The following IFFO2 variants were observed in gnomAD, a reference collection of about 807,000 sequenced individuals.
IFFO2 encodes intermediate filament family orphan 2.
IFFO2 carries 19 observed loss-of-function variants against 53.5 expected under a neutral mutation model. The ratio of observed to expected loss-of-function variants is 0.36; its 90% CI spans 0.25 to 0.52. IFFO2 has a LOEUF of 0.52. Ranked by LOEUF, IFFO2 falls within the 20% of genes least tolerant of loss-of-function variation. The pLI is 0.94. For synonymous variants in IFFO2, 303 were observed against 313.6 expected, an observed-to-expected ratio of 0.97 and a Z score of 0.36; for missense variants, 570 against 727.4, an observed-to-expected ratio of 0.78 and a Z score of 2.49.
rs1936136845 is a variant in IFFO2 at position 18,916,678 on chromosome 1, G to T, written c.1103+225C>A. On this transcript the variant is annotated intron_variant, in intron 5 of 8. Transcript: ENST00000455833. The surrounding 1 kb of genome is among the most constrained non-coding windows in gnomAD (Gnocchi z 4.3). ...ACTACTTGGGAGGCTGAGATGAAAG[G>T]ATCCCTAAACCCAAGAGGTTGAGGC... 6.6e-6 allele frequency among the ~76,000 whole-genome samples: 1 copy of T among 152,052 alleles called. No homozygotes were observed. Among genetic ancestry groups the T allele is most frequent in the East Asian group, 1.9e-4 (1 of 5,176 alleles).
chr1:18,927,047 T>C (rs1367017239), intron 1 of IFFO2, among the ~76,000 whole-genome samples: 2 of 152,124 alleles, frequency 1.3e-5, no homozygotes, highest in African/African-American at 4.8e-5. Flanking sequence ...AGCAAGTCAG[T>C]TACCCTCTCT....
Position 18,918,908 on chromosome 1 carries a change from C to T in IFFO2, c.823-406G>A, listed in dbSNP as rs915442715. Among the ~76,000 whole-genome samples, 48 of 152,246 alleles carry T rather than the reference C, an allele frequency of 3.2e-4. No individual in the cohort carries two copies. Among genetic ancestry groups the T allele is most frequent in the Admixed American group, 8.5e-4 (13 of 15,300 alleles). On this transcript the variant is annotated intron_variant, in intron 3 of 8. Transcript: ENST00000455833. This position sits in a 1 kb window ranked among gnomAD's most constrained non-coding sequence, Gnocchi z 5.2. ...CTCTCTCCTGGATGCCTCCCAAGGCCGGCAGTGGGAGTCACTGAGGACCAC... is the reference window on the plus strand; with the variant it reads ...CTCTCTCCTGGATGCCTCCCAAGGCTGGCAGTGGGAGTCACTGAGGACCAC...
intron 1 of IFFO2, among the ~76,000 whole-genome samples, chr1:18,925,201 T>C (rs1936265971): frequency 6.6e-6 from 1 of 152,180 alleles, no homozygotes; most frequent in Non-Finnish European, 1.5e-5. Context: ...ATCATCCCCA[T>C]GTTGCAGATG....
chr1:18,945,313 C>T (rs1308349218), intron 1 of IFFO2, among the ~76,000 whole-genome samples: 1 of 152,104 alleles, frequency 6.6e-6, no homozygotes, highest in African/African-American at 2.4e-5. Flanking sequence ...CTACCACCCC[C>T]CAAGATGGCC....
chr1:18,914,110 C>T (rs1172659392), intron 5 of IFFO2, among the ~76,000 whole-genome samples: 4 of 152,246 alleles, frequency 2.6e-5, no homozygotes, highest in Non-Finnish European at 2.9e-5. Flanking sequence ...GGATTACAGG[C>T]GTGAGCCACC....
chr1:18,910,555 T>A, intron 7 of IFFO2, 83 bp from the exon 8 acceptor site: 1 of 1,499,426 alleles, frequency 6.7e-7, no homozygotes. Flanking sequence ...CCTGGATTCC[T>A]CAGGGATGGT....
intron 1 of IFFO2, among the ~76,000 whole-genome samples, chr1:18,954,133 C>G (rs533343636): frequency 6.6e-6 from 1 of 152,210 alleles, no homozygotes; most frequent in Non-Finnish European, 1.5e-5. Context: ...GAGAGAAGCC[C>G]GTCTCCCAGT....
At chr1:18,955,469 C>G (rs1936711555) in intron 1 of IFFO2, among the ~76,000 whole-genome samples, 199 bp downstream of exon 1, 2 of 152,218 alleles carry the variant, frequency 1.3e-5, no homozygotes, top group African/African-American at 2.4e-5. Flanking sequence ...GTGGCCCCCA[C>G]GGTAGCCAGC....
rs924729901 is a variant in IFFO2 at position 18,936,943 on chromosome 1, C to T, written c.666-15822G>A. ...ATGAGGATGTGCAAACACAAACTGG[C>T]TGCAGGTGGGGCAAAAAAAAAAAAA... On this transcript the variant is annotated intron_variant, in intron 1 of 8. Transcript: ENST00000455833. The surrounding 1 kb of genome is among the most constrained non-coding windows in gnomAD (Gnocchi z 4.5). Among the ~76,000 whole-genome samples, 6 of 117,320 alleles carry T rather than the reference C, an allele frequency of 5.1e-5. No individual in the cohort carries two copies. The Admixed American group carries it at 5.1e-4, about 10-fold the overall frequency. 77.0% of individuals were successfully genotyped at this position (117,320 alleles called of 152,430 possible).
At chr1:18,925,892 GATTGGATGGA>G (rs1936281000) in intron 1 of IFFO2, among the ~76,000 whole-genome samples, 3 of 25,828 alleles carry the variant, frequency 1.2e-4, no homozygotes, top group East Asian at 1.2e-3. Context: ...TGGATGGATG[GATTGGATGGA>G]TTGGTTGGAT....
At position 18,928,055 on chromosome 1, in the gene IFFO2, T is replaced by G. The variant is rs574300565; in HGVS notation, c.666-6934A>C. On this transcript the variant is annotated intron_variant, in intron 1 of 8. Coordinates refer to ENST00000455833, the MANE Select transcript of IFFO2 (RefSeq NM_001136265.2). This position sits in a 1 kb window ranked among gnomAD's most constrained non-coding sequence, Gnocchi z 4.9. ...GCTCACCTCCTGGGCAGCTCAGCAC[T>G]GATGCACGTGTGGATGCCTTGCCTC... Among the ~76,000 whole-genome samples the G allele has an allele frequency of 1.3e-5, 2 of 152,352 alleles. No homozygotes were observed. Among genetic ancestry groups the G allele is most frequent in the South Asian group, 2.1e-4 (1 of 4,834 alleles).
In IFFO2 at chr1:18,906,526, T is replaced by G. The variant is rs553109524; in HGVS notation, c.*2035A>C. 26 of 152,342 alleles carry G rather than the reference T, an allele frequency of 1.7e-4. No individual in the cohort carries two copies. The highest frequency in any genetic ancestry group is 1.7e-3 in the Admixed American group (26 of 15,300). The allele number at this position is 152,342 out of a possible 1,614,324, so 9.4% of individuals were successfully genotyped here. On this transcript the variant is annotated 3_prime_UTR_variant, in exon 9 of 9. Transcript: ENST00000455833. ...AGACCCACGAGGGTGGATGTTTTCC[T>G]GCCCTCGAGGAAACGGAAAATCTTT...
rs1557640406 is a variant in IFFO2, at chr1:18,918,061, C to A, written c.963+301G>T. On this transcript the variant is annotated intron_variant, in intron 4 of 8. Coordinates refer to ENST00000455833, the MANE Select transcript of IFFO2 (RefSeq NM_001136265.2). This position sits in a 1 kb window ranked among gnomAD's most constrained non-coding sequence, Gnocchi z 5.2. ...AATGGGTACAGTGTGGGCTGGTGAA[C>A]CAAGCCCTGGAGGGGCAGGAGACTG... Among the ~76,000 whole-genome samples the A allele has an allele frequency of 6.6e-6, 1 of 152,208 alleles. No individual in the cohort carries two copies. Among genetic ancestry groups the A allele is most frequent in the African/African-American group, 2.4e-5 (1 of 41,456 alleles).
rs1269256774 is a variant in IFFO2 at position 18,955,677 on chromosome 1, T to C, written c.656A>G (p.Tyr219Cys). 2 of 1,584,434 alleles carry C rather than the reference T, an allele frequency of 1.3e-6. No homozygotes were observed. The highest frequency in any genetic ancestry group is 1.7e-6 in the Non-Finnish European group (2 of 1,169,042). Residue 219 changes from tyrosine (Y) to cysteine (C), a missense_variant, in exon 1 of 9, where the codon TAT becomes TGT. Physicochemically the swap from Tyr to Cys is radical, Grantham distance 194. Transcript: ENST00000455833. ...AGGGGCGGCCACTCACCTCCGCTTA[T>C]ACTCGTCGCGCTCGCGCTTCACCTT... ...LAKVKRERDE[Y>C]KRRWEEELAK... is the part of the protein sequence containing the mutation.
chr1:18,919,601 C>A lies in IFFO2; in HGVS notation c.822+77G>T, dbSNP rs971683086. On this transcript the variant is annotated intron_variant, in intron 3 of 8. Coordinates refer to ENST00000455833, the MANE Select transcript of IFFO2 (RefSeq NM_001136265.2). This position sits in a 1 kb window ranked among gnomAD's most constrained non-coding sequence, Gnocchi z 4.9. Reference sequence around the variant, plus strand: ...TCTAACTAGAAGCCGAGCCCCGGAGCCTCGGAGGGAATGAAGCATTTTGCA... The same window carrying A: ...TCTAACTAGAAGCCGAGCCCCGGAGACTCGGAGGGAATGAAGCATTTTGCA... 7 of 964,892 alleles carry A rather than the reference C, an allele frequency of 7.3e-6. No homozygotes were observed. The highest frequency in any genetic ancestry group is 1.1e-5 in the Non-Finnish European group (7 of 613,692). 59.8% of individuals were successfully genotyped at this position (964,892 alleles called of 1,614,324 possible).
At chr1:18,927,903 C>A (rs1936325084) in intron 1 of IFFO2, among the ~76,000 whole-genome samples, 1 of 152,230 alleles carries the variant, frequency 6.6e-6, no homozygotes, top group South Asian at 2.1e-4. Context: ...TTCCTCCTTG[C>A]ACACCATCCC....
chr1:18,955,955 G>T lies in IFFO2; in HGVS notation c.378C>A (p.Ser126Arg), dbSNP rs1410562124. The stretch of plus-strand genomic sequence containing the variant: ...CGTTGGCGCCGGCCGCCGCGCCACT[G>T]CTGAGGCCGTGCCCGCCGCCGGGCG... ...PPAPGGGHGL[S>R]SGAAAGANAN... is the part of the protein sequence containing the mutation. The change falls in exon 1 of 9, where the codon AGC becomes AGA. Residue 126 changes from serine to arginine, a missense_variant. Ser to Arg is a moderately radical substitution (Grantham distance 110, BLOSUM62 -1). Transcript: ENST00000455833. 12 of 1,313,076 alleles carry T rather than the reference G, an allele frequency of 9.1e-6. No individual in the cohort carries two copies. In the Middle Eastern group the frequency reaches 1.1e-3, roughly 118 times the overall value. The allele number at this position is 1,313,076 out of a possible 1,614,324, so 81.3% of individuals were successfully genotyped here.
chr1:18,929,466 G>A (rs1344432324), intron 1 of IFFO2, among the ~76,000 whole-genome samples: 1 of 152,190 alleles, frequency 6.6e-6, no homozygotes, highest in East Asian at 1.9e-4. Context: ...CACTGAAATC[G>A]AGTTGCTAAG....
At position 18,911,985 on chromosome 1, in the gene IFFO2, G is replaced by A. The variant is rs200305590; in HGVS notation, c.1202C>T (p.Pro401Leu). Residue 401 changes from proline (P) to leucine (L), a missense_variant, in exon 6 of 9, where the codon CCG (proline) becomes CTG (leucine). Pro to Leu is a moderately conservative substitution (Grantham distance 98). Transcript: ENST00000455833. ...LLWEDFTNCN[P>L]TIDLQGEQEE... ...TACCTCGCCCTGCAGGTCGATGGTCGGATTGCAGTTGGTGAAATCCTCCCA... is the reference window on the plus strand; with the variant it reads ...TACCTCGCCCTGCAGGTCGATGGTCAGATTGCAGTTGGTGAAATCCTCCCA... 5.8e-6 allele frequency: 9 copies of A among 1,551,598 alleles called. No individual in the cohort carries two copies. The highest frequency in any genetic ancestry group is 2.0e-5 in the Admixed American group (1 of 50,992).
Sources: gnomAD v4.1 joint callset for allele counts (sites outside exome capture counted in the v4.1 genomes callset) on GRCh38, gnomAD v4.1.1 for gene constraint, Gnocchi (gnomAD v3.1) non-coding constraint, MANE v1.5 for transcripts, NCBI Gene and HGNC (gene_info 2026-07-23, HGNC 2026-07-21) for gene names.